OR7C1: variants seen among roughly 807,000 people sequenced by gnomAD.
The protein encoded by OR7C1 is olfactory receptor family 7 subfamily C member 1, also known as olfactory receptor 7C1.
For synonymous variants in OR7C1, 152 were observed against 160.7 expected, an observed-to-expected ratio of 0.95 and a Z score of 0.41; for missense variants, 324 against 383.3, an observed-to-expected ratio of 0.85 and a Z score of 1.29.
At chr19:14,827,468 C>T in intron 1 of OR7C1, 3 of 1,614,072 alleles carry the variant, frequency 1.9e-6, no homozygotes, top group Non-Finnish European at 2.5e-6. Flanking sequence ...AACTAAGGTA[C>T]ACCCCTAGGA....
At chr19:14,814,430 A>AT (rs60783847) in intron 1 of OR7C1, among the ~76,000 whole-genome samples, 17,630 of 150,146 alleles carry the variant, frequency 0.12, 2,327 homozygotes, top group African/African-American at 0.32. Flanking sequence ...TTATTTATGT[A>AT]TTTTTTTTTT....
chr19:14,813,357 A>C (rs900439125), intron 1 of OR7C1, among the ~76,000 whole-genome samples: 3 of 151,954 alleles, frequency 2.0e-5, no homozygotes, highest in Non-Finnish European at 4.4e-5. Context: ...GATTGAGACC[A>C]TCCTGATCTA....
intron 1 of OR7C1, among the ~76,000 whole-genome samples, chr19:14,815,811 G>GTGTGTC (rs947970248): frequency 6.7e-6 from 1 of 150,236 alleles, no homozygotes; most frequent in African/African-American, 2.5e-5. Flanking sequence ...GTGTGTGTGT[G>GTGTGTC]TGTGTCTGTG....
intron 1 of OR7C1, among the ~76,000 whole-genome samples, chr19:14,830,446 G>T (rs1399492730): frequency 6.6e-6 from 1 of 152,120 alleles, no homozygotes; most frequent in Non-Finnish European, 1.5e-5. Flanking sequence ...TAGCAAGAAA[G>T]GAACTGACTC....
intron 1 of OR7C1, chr19:14,827,232 A>C: frequency 1.3e-6 from 2 of 1,485,304 alleles, no homozygotes; most frequent in South Asian, 1.5e-5. Context: ...TATTTCCACT[A>C]TCTGATTGAA....
chr19:14,820,201 T>C lies in OR7C1; in HGVS notation c.-622-10208A>G, dbSNP rs1000049959. ...TGCTGGGATTACAGGCATGAGCCACTGCGCCGGGATAGATCATTTATTTTA... is the reference window on the plus strand; with the variant it reads ...TGCTGGGATTACAGGCATGAGCCACCGCGCCGGGATAGATCATTTATTTTA... On this transcript the variant is annotated intron_variant, in intron 1 of 4. Transcript: ENST00000641666. Among the ~76,000 whole-genome samples, 10 of 152,276 alleles carry C rather than the reference T, an allele frequency of 6.6e-5. No homozygotes were observed. The East Asian group carries it at 1.9e-3, about 29-fold the overall frequency.
At chr19:14,812,665 C>T (rs768889006) in intron 1 of OR7C1, among the ~76,000 whole-genome samples, 6 of 151,944 alleles carry the variant, frequency 3.9e-5, no homozygotes, top group Non-Finnish European at 8.8e-5. Context: ...AAGCCACTCC[C>T]TTCACTATCT....
intron 2 of OR7C1, among the ~76,000 whole-genome samples, chr19:14,804,878 T>C (rs2044658891): frequency 6.6e-6 from 1 of 151,920 alleles, no homozygotes; most frequent in African/African-American, 2.4e-5. Context: ...TTCATCTCAA[T>C]AATTTTTTTT....
At chr19:14,799,253 G>C (rs764894178) in exon 5 of OR7C1, 1 of 1,614,062 alleles carries the variant, frequency 6.2e-7, no homozygotes, top group Non-Finnish European at 8.5e-7. Flanking sequence ...CTTCATGTCC[G>C]TGTTCCTCAG....
At chr19:14,832,020 T>G (rs1425519925) in intron 1 of OR7C1, among the ~76,000 whole-genome samples, 1 of 152,130 alleles carries the variant, frequency 6.6e-6, no homozygotes, top group African/African-American at 2.4e-5. Flanking sequence ...ATAATACTCA[T>G]GCCTCAGCTT....
intron 1 of OR7C1, among the ~76,000 whole-genome samples, chr19:14,822,839 TCTGC>T (rs1164002989): frequency 6.6e-6 from 1 of 152,110 alleles, no homozygotes; most frequent in Non-Finnish European, 1.5e-5. Flanking sequence ...CTTCATGTCC[TCTGC>T]CTATTTTTTT....
chr19:14,806,496 C>A (rs995513718), intron 2 of OR7C1, among the ~76,000 whole-genome samples: 1 of 151,944 alleles, frequency 6.6e-6, no homozygotes, highest in African/African-American at 2.4e-5. Flanking sequence ...AGGTATTCAG[C>A]CCTGCATGCA....
intron 1 of OR7C1, among the ~76,000 whole-genome samples, chr19:14,833,855 A>G (rs1304282277): frequency 6.6e-6 from 1 of 152,188 alleles, no homozygotes; most frequent in Non-Finnish European, 1.5e-5. Context: ...CAGCTGTCAT[A>G]GATTTGTGTT....
chr19:14,827,994 A>G (rs761915249), intron 1 of OR7C1: 2 of 1,614,110 alleles, frequency 1.2e-6, no homozygotes, highest in East Asian at 4.5e-5. Context: ...CTGGATGTTC[A>G]TCAGCATTTT....
chr19:14,817,767 C>T, intron 1 of OR7C1, among the ~76,000 whole-genome samples: 1 of 152,124 alleles, frequency 6.6e-6, no homozygotes, highest in East Asian at 1.9e-4. Context: ...GCAGAGACCA[C>T]TGCTGACAAT....
chr19:14,824,259 T>TC (rs2044754632), intron 1 of OR7C1: 2 of 152,178 alleles, frequency 1.3e-5, no homozygotes, highest in Non-Finnish European at 2.9e-5. Flanking sequence ...TCATGGGGTA[T>TC]ATGTGTAGGT....
chr19:14,822,447 C>A (rs910849208), intron 1 of OR7C1, among the ~76,000 whole-genome samples: 1 of 129,240 alleles, frequency 7.7e-6, no homozygotes, highest in African/African-American at 2.9e-5. Flanking sequence ...TGCAGTGGTG[C>A]GATCTCAGCT....
chr19:14,829,955 C>T (rs138431175), intron 1 of OR7C1, among the ~76,000 whole-genome samples: 1 of 152,324 alleles, frequency 6.6e-6, no homozygotes, highest in Non-Finnish European at 1.5e-5. Flanking sequence ...TTCAACCACC[C>T]AGGCTCAAGC....
At chr19:14,820,978 G>A (rs538426308) in intron 1 of OR7C1, among the ~76,000 whole-genome samples, 1 of 152,302 alleles carries the variant, frequency 6.6e-6, no homozygotes, top group East Asian at 1.9e-4. Flanking sequence ...TGTGGGCCGG[G>A]CATGGTGGCT....
Sources: allele counts gnomAD v4.1 joint callset (sites outside exome capture counted in the v4.1 genomes callset), GRCh38; gene constraint gnomAD v4.1.1; transcripts MANE v1.5; gene names NCBI Gene and HGNC (gene_info 2026-07-23, HGNC 2026-07-21).